The following CFAP43 variants were observed in gnomAD, a reference collection of about 807,000 sequenced individuals.
The protein encoded by CFAP43 is cilia- and flagella-associated protein 43.
CFAP43 carries 155 observed loss-of-function variants against 218.9 expected under a neutral mutation model. The observed-to-expected ratio is 0.71, with a 90% CI of 0.62 to 0.81. The LOEUF (loss-of-function observed/expected upper bound fraction) is 0.81. CFAP43 is among the 30% of genes least tolerant of loss of function. CFAP43 has a pLI of 0.00. For missense variants in CFAP43, 1,778 were observed against 1,954.3 expected (o/e 0.91, Z 1.70); for synonymous variants, 645 against 681.3 (o/e 0.95, Z 0.83).
intron 37 of CFAP43, among the ~76,000 whole-genome samples, chr10:104,130,998 C>CAAAAA (rs1163188252): frequency 5.5e-3 from 300 of 54,882 alleles, no homozygotes; most frequent in East Asian, 8.7e-3. Flanking sequence ...CACCCTGTCT[C>CAAAAA]AAAAAAAAAA....
intron 3 of CFAP43, among the ~76,000 whole-genome samples, chr10:104,223,953 A>G (rs532798994): frequency 1.3e-5 from 2 of 152,346 alleles, no homozygotes; most frequent in Non-Finnish European, 2.9e-5. Context: ...CTACCAGAAA[A>G]TGCAAACTAG....
intron 19 of CFAP43, 97 bp from the exon 20 acceptor site, chr10:104,172,632 T>C (rs1320247291): frequency 2.9e-6 from 3 of 1,051,874 alleles, no homozygotes; most frequent in Non-Finnish European, 3.9e-6. Context: ...CAATAAAAAA[T>C]AGATGTTCTA....
Position 104,146,277 on chromosome 10 carries a change from G to A in CFAP43, c.3841C>T (p.Leu1281=). The part of the protein sequence containing the change: ...DVCKEHYDNL[L]AEDKVMDRSF... ...ACAACTCTCACTTTGTCTTCTGCCA[G>A]TAAGTTGTCATAGTGCTCCTTGCAC... Residue 1281 remains leucine (L), a synonymous_variant, in exon 30 of 38, where the codon CTG becomes TTG. Coordinates refer to ENST00000357060, the MANE Select transcript of CFAP43 (RefSeq NM_025145.7). 1 of 1,613,588 alleles carries A rather than the reference G, an allele frequency of 6.2e-7. No individual in the cohort carries two copies.
chr10:104,206,666 T>C (rs1400075072), intron 6 of CFAP43, among the ~76,000 whole-genome samples: 1 of 152,064 alleles, frequency 6.6e-6, no homozygotes, highest in Non-Finnish European at 1.5e-5. Context: ...GAAATCAAGG[T>C]GTGAAATAGT....
At chr10:104,152,503 A>G in intron 28 of CFAP43, 104 bp downstream of exon 28, 2 of 1,507,096 alleles carry the variant, frequency 1.3e-6, no homozygotes, top group South Asian at 1.2e-5. Context: ...GGCCCAGAGC[A>G]TACAAGATCT....
chr10:104,220,840 T>A (rs1196058571), intron 3 of CFAP43, among the ~76,000 whole-genome samples: 1 of 152,158 alleles, frequency 6.6e-6, no homozygotes, highest in African/African-American at 2.4e-5. Context: ...GGTAGAACAG[T>A]TAAGTTTAAG....
chr10:104,229,796 T>A (rs894285579), intron 2 of CFAP43, among the ~76,000 whole-genome samples: 14 of 152,238 alleles, frequency 9.2e-5, no homozygotes, highest in African/African-American at 2.9e-4. Context: ...AGACACCATC[T>A]TTATCCCTAT....
chr10:104,220,458 C>T lies in CFAP43; in HGVS notation c.416+5003G>A, dbSNP rs558542155. Among the ~76,000 whole-genome samples the T allele has an allele frequency of 1.9e-4, 29 of 152,252 alleles. 1 individual carries two copies. The highest frequency in any genetic ancestry group is 7.0e-4 in the African/African-American group (29 of 41,554). On this transcript the variant is annotated intron_variant, in intron 3 of 37. Coordinates refer to ENST00000357060, the MANE Select transcript of CFAP43 (RefSeq NM_025145.7). ...CAGACTATGTGAGATGCCCCTACTA[C>T]AGGTTCCCATTGTGCCTTAGATCAA...
At chr10:104,136,538 T>G (rs1431982063) in intron 34 of CFAP43, among the ~76,000 whole-genome samples, 1 of 151,594 alleles carries the variant, frequency 6.6e-6, no homozygotes, top group Non-Finnish European at 1.5e-5. Flanking sequence ...GCCCGGCTAA[T>G]TTTTGTATTT....
Position 104,194,005 on chromosome 10 carries a change from G to T in CFAP43, c.1303C>A (p.Leu435Met). The change falls in exon 11 of 38, where the codon CTG becomes ATG. Residue 435 changes from leucine to methionine, a missense_variant. Leu to Met is a conservative substitution (Grantham distance 15). Coordinates refer to ENST00000357060, the MANE Select transcript of CFAP43 (RefSeq NM_025145.7). ...GAGAGGGAGGATGGACAGCAAGCCA[G>T]AACCGTTGCCTGTTTAAAATAAACC... The part of the protein sequence containing the change: ...KIYLNTLATV[L>M]ACCPSSLSAA... 1.2e-6 allele frequency: 2 copies of T among 1,613,446 alleles called. No individual in the cohort carries two copies. The highest frequency in any genetic ancestry group is 1.7e-6 in the Non-Finnish European group (2 of 1,180,022).
chr10:104,230,620 G>A lies in CFAP43; in HGVS notation c.289C>T (p.Pro97Ser). ...AATTTGGTCCTTCTGGTCAATCCTG[G>A]AAAGCTGTATACGTAGATGAGAGGT... ...LKPLIYVYSF[P>S]GLTRRTKLKG... The change falls in exon 2 of 38, where the codon CCA becomes TCA. Residue 97 changes from proline to serine, a missense_variant. Coordinates refer to ENST00000357060, the MANE Select transcript of CFAP43 (RefSeq NM_025145.7). 2 of 1,614,136 alleles carry A rather than the reference G, an allele frequency of 1.2e-6. No homozygotes were observed. Among genetic ancestry groups the A allele is most frequent in the South Asian group, 1.1e-5 (1 of 91,068 alleles).
chr10:104,225,138 A>G (rs1416224051), intron 3 of CFAP43, among the ~76,000 whole-genome samples: 2 of 152,226 alleles, frequency 1.3e-5, no homozygotes, highest in African/African-American at 2.4e-5. Context: ...TTAGCAGGAA[A>G]CATACGAACA....
chr10:104,191,452 G>A (rs904650059), intron 12 of CFAP43, among the ~76,000 whole-genome samples: 1 of 151,910 alleles, frequency 6.6e-6, no homozygotes, highest in Non-Finnish European at 1.5e-5. Context: ...TTAAGCCCTT[G>A]GAAAACTCCT....
rs371578877 is a variant in CFAP43 at position 104,192,093 on chromosome 10, T to C, written c.1546+106A>G. ...TTAAAGGTTTCTCTTTCAGAAAATA[T>C]GCCACAAATAATTGTTTCAATATTC... On this transcript the variant is annotated intron_variant, in intron 12 of 37. Coordinates refer to ENST00000357060, the MANE Select transcript of CFAP43 (RefSeq NM_025145.7). 1.5e-4 allele frequency: 123 copies of C among 822,564 alleles called. 2 individuals are homozygous for C. In the South Asian group the frequency reaches 2.2e-3, roughly 15 times the overall value. The allele number at this position is 822,564 out of a possible 1,614,324, so 51.0% of individuals were successfully genotyped here.
chr10:104,230,692 T>G lies in CFAP43; in HGVS notation c.217A>C (p.Thr73Pro). ...CSNGIVGVMA[T>P]NIPCEVVAFS... ...GCCACAACTTCACAGGGGATGTTAGTTGCCATGACGCCCACAATTCCATTA... is the reference window on the plus strand; with the variant it reads ...GCCACAACTTCACAGGGGATGTTAGGTGCCATGACGCCCACAATTCCATTA... The change falls in exon 2 of 38, where the codon ACT (threonine) becomes CCT (proline). Residue 73 changes from threonine (T) to proline (P), a missense_variant. Physicochemically the swap from Thr to Pro is conservative, Grantham distance 38 (BLOSUM62 -1). This residue lies in a region of CFAP43 where 1,553 missense variants were observed against 1,685.2 expected (regional missense o/e 0.92). Transcript: ENST00000357060. The G allele has an allele frequency of 1.2e-6, 2 of 1,614,126 alleles. No homozygotes were observed. The highest frequency in any genetic ancestry group is 1.7e-6 in the Non-Finnish European group (2 of 1,180,028).
intron 21 of CFAP43, among the ~76,000 whole-genome samples, 171 bp from the exon 22 acceptor site, chr10:104,167,908 A>T (rs1487709968): frequency 6.6e-6 from 1 of 152,206 alleles, no homozygotes; most frequent in Non-Finnish European, 1.5e-5. Context: ...TTCCATGAGT[A>T]TTGGTATAAA....
At chr10:104,151,669 TC>T (rs2088264913) in intron 28 of CFAP43, among the ~76,000 whole-genome samples, 1 of 152,226 alleles carries the variant, frequency 6.6e-6, no homozygotes, top group African/African-American at 2.4e-5. Context: ...AAATATTTTC[TC>T]CCATTCTGTA....
chr10:104,143,478 A>C lies in CFAP43; in HGVS notation c.4106T>G (p.Val1369Gly). The C allele has an allele frequency of 3.7e-6, 6 of 1,614,174 alleles. No individual in the cohort carries two copies. The highest frequency in any genetic ancestry group is 5.1e-6 in the Non-Finnish European group (6 of 1,180,028). The change falls in exon 32 of 38, where the codon GTC becomes GGC. Residue 1369 changes from valine (V) to glycine (G), a missense_variant. By Grantham distance (109) the Val-to-Gly change is moderately radical. This residue lies in a region of CFAP43 where 1,553 missense variants were observed against 1,685.2 expected (regional missense o/e 0.92). Transcript: ENST00000357060. ...SNMPEGLDPL[V>G]WNHFCMTRRA... ...TCTTGTCATGCAGAAATGATTCCAG[A>C]CCAAAGGGTCCAAGCCTTCTGGCAT...
intron 34 of CFAP43, among the ~76,000 whole-genome samples, chr10:104,139,333 C>T (rs2134743308): frequency 6.6e-6 from 1 of 152,130 alleles, no homozygotes; most frequent in South Asian, 2.1e-4. Flanking sequence ...TAAGAATTTT[C>T]CAAAGATAAT....
Sources: allele counts gnomAD v4.1 joint callset (sites outside exome capture counted in the v4.1 genomes callset), GRCh38; gene constraint gnomAD v4.1.1; regional missense constraint gnomAD v4.1.1; transcripts MANE v1.5; gene names NCBI Gene and HGNC (gene_info 2026-07-23, HGNC 2026-07-21).